The following ALG8 variants were observed in gnomAD, a reference collection of about 807,000 sequenced individuals.
ALG8 encodes the protein ALG8 alpha-1,3-glucosyltransferase.
In ALG8, 48 loss-of-function variants were observed where a neutral mutation model predicts 70.2. That is an observed-to-expected ratio of 0.68 (90% confidence interval 0.54 to 0.87). ALG8 has a LOEUF of 0.87. Ranked by LOEUF, ALG8 falls within the 40% of genes least tolerant of loss-of-function variation. The probability of loss-of-function intolerance (pLI) is 0.00; values close to 1 mark genes in which losing one functional copy is unlikely to be tolerated. For synonymous variants in ALG8, 234 were observed against 229.0 expected, an observed-to-expected ratio of 1.02 and a Z score of -0.20; for missense variants, 572 against 608.7, an observed-to-expected ratio of 0.94 and a Z score of 0.64.
intron 12 of ALG8, among the ~76,000 whole-genome samples, chr11:78,102,513 G>A (rs1859839314): frequency 6.6e-6 from 1 of 152,164 alleles, no homozygotes; most frequent in South Asian, 2.1e-4. Context: ...AATGAATACT[G>A]ATGTACAAGT....
chr11:78,130,382 T>C (rs1179793199), intron 1 of ALG8, among the ~76,000 whole-genome samples: 1 of 101,472 alleles, frequency 9.9e-6, no homozygotes, highest in Non-Finnish European at 2.0e-5. Context: ...AGAATATCAA[T>C]ACCTTTAGTG....
chr11:78,130,368 G>A (rs1442444269), intron 1 of ALG8, among the ~76,000 whole-genome samples: 16 of 29,296 alleles, frequency 5.5e-4, no homozygotes, highest in African/African-American at 1.4e-3. Context: ...AAAAAAAAAA[G>A]GTGAGAATAT....
chr11:78,126,998 G>C (rs76639811), intron 2 of ALG8, among the ~76,000 whole-genome samples: 1 of 145,308 alleles, frequency 6.9e-6, no homozygotes, highest in Non-Finnish European at 1.5e-5. Context: ...TTTTTTTTTT[G>C]AGACAGAGTC....
chr11:78,138,148 A>T (rs1861624665), intron 1 of ALG8, among the ~76,000 whole-genome samples: 1 of 152,090 alleles, frequency 6.6e-6, no homozygotes, highest in African/African-American at 2.4e-5. Context: ...GAGATTTGAG[A>T]TCAGCCCTCC....
chr11:78,135,639 G>T (rs549725), intron 1 of ALG8, among the ~76,000 whole-genome samples: 33,094 of 151,944 alleles, frequency 0.22, 4,466 homozygotes, highest in African/African-American at 0.38. Flanking sequence ...CTTGAGGCCA[G>T]GAGTTCAAGA....
intron 10 of ALG8, 174 bp from the exon 11 acceptor site, chr11:78,104,627 A>C: frequency 5.0e-6 from 3 of 604,496 alleles, no homozygotes; most frequent in Non-Finnish European, 8.7e-6. Context: ...AATTTTAAGC[A>C]ATCAATAGCA....
intron 8 of ALG8, among the ~76,000 whole-genome samples, chr11:78,111,713 T>C (rs1192501970): frequency 6.6e-6 from 1 of 152,228 alleles, no homozygotes; most frequent in Non-Finnish European, 1.5e-5. Context: ...AGAAAAAGTT[T>C]GCTGACCACC....
chr11:78,116,269 G>A (rs1860561143), intron 5 of ALG8, among the ~76,000 whole-genome samples: 1 of 152,102 alleles, frequency 6.6e-6, no homozygotes, highest in Non-Finnish European at 1.5e-5. Context: ...GCTGAGACAC[G>A]AGAATCACGT....
intron 5 of ALG8, among the ~76,000 whole-genome samples, chr11:78,115,539 C>T (rs956494767): frequency 2.6e-5 from 4 of 151,530 alleles, no homozygotes; most frequent in African/African-American, 4.9e-5. Context: ...CCCACCACCA[C>T]GCCTGGCTAA....
intron 9 of ALG8, among the ~76,000 whole-genome samples, chr11:78,107,191 A>G: frequency 1.6e-5 from 1 of 63,374 alleles, no homozygotes; most frequent in Middle Eastern, 6.5e-3. Flanking sequence ...AATATATTTT[A>G]TATGTAAATA....
intron 1 of ALG8, among the ~76,000 whole-genome samples, chr11:78,135,615 A>G (rs1861509835): frequency 6.6e-6 from 1 of 152,166 alleles, no homozygotes; most frequent in Admixed American, 6.5e-5. Context: ...TGGGAGGCCA[A>G]AGAGAGCAGA....
intron 9 of ALG8, among the ~76,000 whole-genome samples, chr11:78,109,084 G>A (rs1016945665): frequency 2.6e-5 from 4 of 152,120 alleles, no homozygotes; most frequent in Non-Finnish European, 5.9e-5. Context: ...TGATGATTTA[G>A]CTAACGGTGA....
intron 3 of ALG8, among the ~76,000 whole-genome samples, chr11:78,123,030 C>A (rs115408194): frequency 0.37 from 56,836 of 151,756 alleles, 11,675 homozygotes; most frequent in Non-Finnish European, 0.45. Context: ...AGAATGAGGT[C>A]GGTGCAGCGG....
intron 1 of ALG8, among the ~76,000 whole-genome samples, chr11:78,128,195 C>A (rs2136934726): frequency 6.6e-6 from 1 of 152,294 alleles, no homozygotes; most frequent in South Asian, 2.1e-4. Flanking sequence ...TCCAAATTCT[C>A]CCTCTTCCCA....
chr11:78,116,371 AAAAC>A (rs374574831), intron 5 of ALG8, among the ~76,000 whole-genome samples: 17 of 152,078 alleles, frequency 1.1e-4, no homozygotes, highest in East Asian at 9.7e-4. Context: ...TGCTATCTCC[AAAAC>A]AAACAAACAA....
chr11:78,132,907 G>C (rs1209292588), intron 1 of ALG8, among the ~76,000 whole-genome samples: 1 of 147,940 alleles, frequency 6.8e-6, no homozygotes. Flanking sequence ...CGCTATCTCG[G>C]CTCACTGCAA....
At chr11:78,126,638 T>C (rs992978914) in intron 2 of ALG8, among the ~76,000 whole-genome samples, 1 of 152,188 alleles carries the variant, frequency 6.6e-6, no homozygotes, top group Non-Finnish European at 1.5e-5. Context: ...CACATCACAT[T>C]TGATTATTCC....
In ALG8 at chr11:78,113,878, A is replaced by AAAAAG; in HGVS notation, c.777+7_777+8insCTTTT. ...TATTAATTGAAAAAAAAAAAAAAAAAGGCTTACCAAGGCCAGGAAAGGACC... is the reference window on the plus strand; with the variant it reads ...TATTAATTGAAAAAAAAAAAAAAAAAAAAAGGGCTTACCAAGGCCAGGAAAGGACC... On this transcript the variant is annotated splice_region_variant and intron_variant, in intron 7 of 12. Transcript: ENST00000299626. 1 of 1,539,158 alleles carries AAAAAG rather than the reference A, an allele frequency of 6.5e-7. No individual in the cohort carries two copies. The highest frequency in any genetic ancestry group is 8.8e-7 in the Non-Finnish European group (1 of 1,142,044).
At chr11:78,110,160 G>C (rs1263983602) in intron 8 of ALG8, among the ~76,000 whole-genome samples, 1 of 151,790 alleles carries the variant, frequency 6.6e-6, no homozygotes, top group Non-Finnish European at 1.5e-5. Context: ...TCAATAAGCA[G>C]AACTGATTTT....
Sources: allele counts gnomAD v4.1 joint callset (sites outside exome capture counted in the v4.1 genomes callset), GRCh38; gene constraint gnomAD v4.1.1; transcripts MANE v1.5; gene names NCBI Gene and HGNC (gene_info 2026-07-23, HGNC 2026-07-21).